The following LMO3 variants were observed in gnomAD, a reference collection of about 807,000 sequenced individuals.
LMO3 encodes LIM domain only protein 3.
A neutral mutation model predicts 15.8 loss-of-function variants in LMO3; 2 were observed. The ratio of observed to expected loss-of-function variants is 0.13; its 90% confidence interval spans 0.05 to 0.40. The LOEUF (loss-of-function observed/expected upper bound fraction) is 0.40. Among genes scored for constraint, LMO3 ranks in the 10% least tolerant of loss-of-function variants. The pLI is 0.99. For synonymous variants in LMO3, 62 were observed against 63.8 expected, an observed-to-expected ratio of 0.97 and a Z score of 0.13; for missense variants, 86 against 182.2, an observed-to-expected ratio of 0.47 and a Z score of 3.04.
chr12:16,575,864 C>T (rs1436300409), intron 2 of LMO3, among the ~76,000 whole-genome samples: 10 of 152,114 alleles, frequency 6.6e-5, no homozygotes, highest in East Asian at 5.8e-4. Context: ...GTTCTCCCTA[C>T]GTGACATCCT....
rs866779636 is a variant in LMO3 at position 16,566,039 on chromosome 12, T to A, written c.207-5501A>T. On this transcript the variant is annotated intron_variant, in intron 2 of 3. Coordinates refer to ENST00000537304, the MANE Select transcript of LMO3 (RefSeq NM_018640.5). ...ATATATATATATATATATATATATA[T>A]AAAATGGAGTACTATTCAGCCATAA... Among the ~76,000 whole-genome samples, 337 of 86,460 alleles carry A rather than the reference T, an allele frequency of 3.9e-3. 2 individuals are homozygous for A. Among genetic ancestry groups the A allele is most frequent in the Middle Eastern group, 6.7e-3 (1 of 150 alleles). The allele number at this position is 86,460 out of a possible 152,430, so 56.7% of individuals were successfully genotyped here. A position where few individuals can be genotyped will look rare whatever the true frequency, so the allele number is the denominator to read the frequency against.
At chr12:16,566,715 C>G (rs1302380085) in intron 2 of LMO3, among the ~76,000 whole-genome samples, 1 of 152,052 alleles carries the variant, frequency 6.6e-6, no homozygotes, top group African/African-American at 2.4e-5. Context: ...TTAACACATA[C>G]AGATCATGCC....
chr12:16,574,606 T>C lies in LMO3; in HGVS notation c.207-14068A>G, dbSNP rs181134308. ...AACTTTCCCCCTATTTGTACCACTT[T>C]TTAAATTTTAAATCTCAGTTTTCTT... On this transcript the variant is annotated intron_variant, in intron 2 of 3. Coordinates refer to ENST00000537304, the MANE Select transcript of LMO3 (RefSeq NM_018640.5). Among the ~76,000 whole-genome samples the C allele has an allele frequency of 3.3e-5, 5 of 152,294 alleles. No homozygotes were observed. In the East Asian group the frequency reaches 7.7e-4, roughly 24 times the overall value.
In LMO3 at chr12:16,599,527, A is replaced by G. The variant is rs999163436; in HGVS notation, c.206+1128T>C. 2 of 152,214 alleles carry G rather than the reference A, an allele frequency of 1.3e-5. No homozygotes were observed. Among genetic ancestry groups the G allele is most frequent in the Non-Finnish European group, 2.9e-5 (2 of 68,036 alleles). 9.4% of individuals were successfully genotyped at this position (152,214 alleles called of 1,614,324 possible). ...CACCTCATCAAATGACCAAGGTACT[A>G]AAGGAGTTACCATTGATTGATAAAT... is the stretch of plus-strand genomic sequence containing the variant. On this transcript the variant is annotated intron_variant, in intron 2 of 3. Transcript: ENST00000537304. This position sits in a 1 kb window ranked among gnomAD's most constrained non-coding sequence, Gnocchi z 4.1.
In LMO3 at chr12:16,559,875, T is replaced by C. The variant is rs1442538408; in HGVS notation, c.332+538A>G. Among the ~76,000 whole-genome samples, 1 of 151,972 alleles carries C rather than the reference T, an allele frequency of 6.6e-6. No homozygotes were observed. Among genetic ancestry groups the C allele is most frequent in the East Asian group, 1.9e-4 (1 of 5,180 alleles). The stretch of plus-strand genomic sequence containing the variant: ...TACTCGGGAGGCTGAGGCAGGAGGA[T>C]TGCTTGAGCACAGAAGTTGAGGCTG... On this transcript the variant is annotated intron_variant, in intron 3 of 3. Transcript: ENST00000537304. The surrounding 1 kb of genome is among the most constrained non-coding windows in gnomAD (Gnocchi z 4.1).
chr12:16,574,951 A>G (rs1270391382), intron 2 of LMO3, among the ~76,000 whole-genome samples: 1 of 152,168 alleles, frequency 6.6e-6, no homozygotes, highest in Admixed American at 6.5e-5. Flanking sequence ...CTCCCTACAT[A>G]AGGCACCTCC....
At chr12:16,566,597 G>A (rs1942619813) in intron 2 of LMO3, among the ~76,000 whole-genome samples, 1 of 151,776 alleles carries the variant, frequency 6.6e-6, no homozygotes, top group African/African-American at 2.4e-5. Context: ...ATATATTAAA[G>A]AAAAGACATT....
chr12:16,558,601 C>G (rs764575181), intron 3 of LMO3, among the ~76,000 whole-genome samples: 1 of 152,060 alleles, frequency 6.6e-6, no homozygotes, highest in Non-Finnish European at 1.5e-5. Flanking sequence ...AAATGTTACC[C>G]TAGACTGAAT....
intron 2 of LMO3, among the ~76,000 whole-genome samples, chr12:16,565,521 T>C (rs559992276): frequency 1.3e-5 from 2 of 152,172 alleles, no homozygotes; most frequent in African/African-American, 4.8e-5. Flanking sequence ...TCCACTGTCA[T>C]AGAGATAAAT....
At position 16,598,353 on chromosome 12, in the gene LMO3, T is replaced by G. The variant is rs1943720170; in HGVS notation, c.206+2302A>C. 1 of 152,094 alleles carries G rather than the reference T, an allele frequency of 6.6e-6. No homozygotes were observed. The highest frequency in any genetic ancestry group is 6.6e-5 in the Admixed American group (1 of 15,240). 9.4% of individuals were successfully genotyped at this position (152,094 alleles called of 1,614,324 possible). ...CATTATATACAACAAACTTTCAGTTTAAATAAGGGACAAGATTGCTGTTAA... is the reference window on the plus strand; with the variant it reads ...CATTATATACAACAAACTTTCAGTTGAAATAAGGGACAAGATTGCTGTTAA... On this transcript the variant is annotated intron_variant, in intron 2 of 3. Coordinates refer to ENST00000537304, the MANE Select transcript of LMO3 (RefSeq NM_018640.5). This position sits in a 1 kb window ranked among gnomAD's most constrained non-coding sequence, Gnocchi z 4.3.
Position 16,603,455 on chromosome 12 carries a change from G to A in LMO3, c.-8-2587C>T, listed in dbSNP as rs1355871120. Among the ~76,000 whole-genome samples, 3 of 152,182 alleles carry A rather than the reference G, an allele frequency of 2.0e-5. No homozygotes were observed. Among genetic ancestry groups the A allele is most frequent in the Non-Finnish European group, 2.9e-5 (2 of 68,032 alleles). On this transcript the variant is annotated intron_variant, in intron 1 of 3. Transcript: ENST00000537304. The surrounding 1 kb of genome is among the most constrained non-coding windows in gnomAD (Gnocchi z 4.9). ...GAAGAACATGTCTGGGTAGAGTTAC[G>A]TGTTTGTAGCTAAGAAACATTTCAC...
rs2137568585 is a variant in LMO3, at chr12:16,584,917, A to G, written c.206+15738T>C. On this transcript the variant is annotated intron_variant, in intron 2 of 3. Transcript: ENST00000537304. The surrounding 1 kb of genome is among the most constrained non-coding windows in gnomAD (Gnocchi z 5.2). ...AACACCTTAGCGAACTGTACACATT[A>G]AAGGGCCTGATCAGTTATCTGAAAC... Among the ~76,000 whole-genome samples, 1 of 152,322 alleles carries G rather than the reference A, an allele frequency of 6.6e-6. No individual in the cohort carries two copies. Among genetic ancestry groups the G allele is most frequent in the South Asian group, 2.1e-4 (1 of 4,826 alleles).
At position 16,598,949 on chromosome 12, in the gene LMO3, C is replaced by T; in HGVS notation, c.206+1706G>A. 3.3e-6 allele frequency: 1 copy of T among 304,940 alleles called. No individual in the cohort carries two copies. Among genetic ancestry groups the T allele is most frequent in the South Asian group, 2.9e-5 (1 of 34,292 alleles). 18.9% of individuals were successfully genotyped at this position (304,940 alleles called of 1,614,324 possible). ...ATAAACTCCTTATTTGAAATGGTAA[C>T]ATAAATCCACTTGAGATACTGAAAT... On this transcript the variant is annotated intron_variant, in intron 2 of 3. Transcript: ENST00000537304. This position sits in a 1 kb window ranked among gnomAD's most constrained non-coding sequence, Gnocchi z 4.3.
At position 16,582,259 on chromosome 12, in the gene LMO3, T is replaced by C. The variant is rs1044152737; in HGVS notation, c.206+18396A>G. Among the ~76,000 whole-genome samples the C allele has an allele frequency of 6.6e-6, 1 of 152,224 alleles. No individual in the cohort carries two copies. Among genetic ancestry groups the C allele is most frequent in the African/African-American group, 2.4e-5 (1 of 41,462 alleles). On this transcript the variant is annotated intron_variant, in intron 2 of 3. Transcript: ENST00000537304. The surrounding 1 kb of genome is among the most constrained non-coding windows in gnomAD (Gnocchi z 4.1). ...TAACTATGGTGTTTCTTCCTCCAGT[T>C]TGATAATACAATGAATTAGATTGAG...
At position 16,556,031 on chromosome 12, in the gene LMO3, C is replaced by T. The variant is rs536449349; in HGVS notation, c.332+4382G>A. On this transcript the variant is annotated intron_variant, in intron 3 of 3. Transcript: ENST00000537304. ...TGATGTCCTGTCTCTCCCGTAGCTC[C>T]GGACACCTCTAAGAAATAAACCAGA... Among the ~76,000 whole-genome samples the T allele has an allele frequency of 2.6e-5, 4 of 152,186 alleles. No homozygotes were observed. The East Asian group carries it at 7.7e-4, about 29-fold the overall frequency.
chr12:16,593,788 A>G lies in LMO3; in HGVS notation c.206+6867T>C, dbSNP rs956916911. Among the ~76,000 whole-genome samples the G allele has an allele frequency of 6.6e-6, 1 of 151,808 alleles. No individual in the cohort carries two copies. Among genetic ancestry groups the G allele is most frequent in the African/African-American group, 2.4e-5 (1 of 41,420 alleles). ...GGAATTGTTTTAAAGTTAGAAATGA[A>G]AAGCTAAATGCCACATTTCTTGCTT... On this transcript the variant is annotated intron_variant, in intron 2 of 3. Coordinates refer to ENST00000537304, the MANE Select transcript of LMO3 (RefSeq NM_018640.5). The surrounding 1 kb of genome is among the most constrained non-coding windows in gnomAD (Gnocchi z 4.2).
At chr12:16,609,858 G>A (rs1944091524), upstream of LMO3, 1 of 151,600 alleles carries the variant, frequency 6.6e-6, no homozygotes, top group Admixed American at 6.6e-5. Flanking sequence ...TTGTGTGCGG[G>A]TGTTCAGTTA....
chr12:16,595,112 A>C (rs1470522648), intron 2 of LMO3, among the ~76,000 whole-genome samples: 1 of 151,498 alleles, frequency 6.6e-6, no homozygotes, highest in Non-Finnish European at 1.5e-5. Flanking sequence ...TATCCATCTT[A>C]CATGTAAAAA....
intron 2 of LMO3, among the ~76,000 whole-genome samples, chr12:16,571,679 T>C (rs544039008): frequency 6.6e-6 from 1 of 152,128 alleles, no homozygotes; most frequent in East Asian, 1.9e-4. Context: ...TTTCTGTTCT[T>C]TGGTTCCTTC....
Sources: allele counts gnomAD v4.1 joint callset (sites outside exome capture counted in the v4.1 genomes callset), GRCh38; gene constraint gnomAD v4.1.1; non-coding constraint Gnocchi (gnomAD v3.1); transcripts MANE v1.5; gene names NCBI Gene and HGNC (gene_info 2026-07-23, HGNC 2026-07-21).